Variants in EBF1 observed in about 807,000 individuals in gnomAD.
EBF1 encodes the protein EBF transcription factor 1, also known as transcription factor COE1.
EBF1 carries 10 observed loss-of-function variants against 68.4 expected under a neutral mutation model. The ratio of observed to expected loss-of-function variants is 0.15; its 90% CI spans 0.09 to 0.25. EBF1 has a LOEUF of 0.25. Among genes scored for constraint, EBF1 ranks in the 10% least tolerant of loss-of-function variants. The pLI, the probability that EBF1 is intolerant of heterozygous loss-of-function variation, is 1.00. For synonymous variants in EBF1, 298 were observed against 299.8 expected (o/e 0.99, Z 0.06); for missense variants, 509 against 794.4 (o/e 0.64, Z 4.32).
chr5:159,082,718 C>A (rs1779948288), intron 5 of EBF1, among the ~76,000 whole-genome samples: 1 of 152,164 alleles, frequency 6.6e-6, no homozygotes, highest in African/African-American at 2.4e-5. Flanking sequence ...AAACAGTACC[C>A]CTTATACATC....
intron 6 of EBF1, among the ~76,000 whole-genome samples, chr5:158,932,320 A>T (rs901390376): frequency 6.6e-6 from 1 of 152,182 alleles, no homozygotes; most frequent in Non-Finnish European, 1.5e-5. Flanking sequence ...ATTAAAAAAC[A>T]TGTGTTCTCA....
intron 11 of EBF1, among the ~76,000 whole-genome samples, chr5:158,729,178 T>C (rs1657313849): frequency 6.6e-6 from 1 of 152,182 alleles, no homozygotes; most frequent in African/African-American, 2.4e-5. Flanking sequence ...AGGTACAACA[T>C]AGCACCATCC....
intron 6 of EBF1, among the ~76,000 whole-genome samples, chr5:159,012,972 G>A (rs2127686440): frequency 6.6e-6 from 1 of 152,270 alleles, no homozygotes; most frequent in East Asian, 1.9e-4. Context: ...CAAGGAAAGA[G>A]GCCCTCAGAA....
At chr5:159,070,701 G>A (rs77534414) in intron 6 of EBF1, among the ~76,000 whole-genome samples, 14 of 152,176 alleles carry the variant, frequency 9.2e-5, no homozygotes, top group Non-Finnish European at 2.1e-4. Flanking sequence ...AGTTGACTGC[G>A]TGTTAAAACT....
At chr5:159,035,179 A>T (rs896570574) in intron 6 of EBF1, among the ~76,000 whole-genome samples, 10 of 152,204 alleles carry the variant, frequency 6.6e-5, no homozygotes, top group Admixed American at 3.3e-4. Context: ...TTAGACCACC[A>T]TTTCATCAGG....
intron 4 of EBF1, among the ~76,000 whole-genome samples, chr5:159,094,805 T>C (rs1782296552): frequency 1.3e-5 from 2 of 152,216 alleles, no homozygotes; most frequent in Admixed American, 1.3e-4. Flanking sequence ...CCTAACCAGC[T>C]ACTTAATTCT....
intron 5 of EBF1, among the ~76,000 whole-genome samples, chr5:159,078,372 T>A (rs1456284931): frequency 6.6e-6 from 1 of 152,214 alleles, no homozygotes; most frequent in Non-Finnish European, 1.5e-5. Context: ...AGAAGAGGGC[T>A]CATACTGAAA....
At chr5:158,900,379 A>C (rs1420982222) in intron 6 of EBF1, among the ~76,000 whole-genome samples, 2 of 152,202 alleles carry the variant, frequency 1.3e-5, no homozygotes, top group African/African-American at 4.8e-5. Context: ...TAATGAAATC[A>C]AATTTTGATT....
intron 6 of EBF1, among the ~76,000 whole-genome samples, chr5:158,974,836 G>A (rs765369213): frequency 1.3e-5 from 2 of 152,164 alleles, no homozygotes; most frequent in African/African-American, 2.4e-5. Context: ...AGCTAAAAAC[G>A]TTGCTGGGGA....
intron 11 of EBF1, among the ~76,000 whole-genome samples, chr5:158,719,703 T>C (rs2127511803): frequency 6.6e-6 from 1 of 152,300 alleles, no homozygotes; most frequent in Admixed American, 6.5e-5. Flanking sequence ...CTTTCTTTTG[T>C]TCATAGCACA....
intron 6 of EBF1, among the ~76,000 whole-genome samples, chr5:158,920,593 TA>T (rs1373630048): frequency 6.6e-6 from 1 of 152,028 alleles, no homozygotes; most frequent in Non-Finnish European, 1.5e-5. Flanking sequence ...TTTTTTTTTT[TA>T]AAGAAACACA....
intron 6 of EBF1, among the ~76,000 whole-genome samples, chr5:158,993,768 C>T (rs1760841578): frequency 1.3e-5 from 2 of 152,264 alleles, no homozygotes; most frequent in South Asian, 4.1e-4. Flanking sequence ...AAGTCTAAGT[C>T]GAGAACCAAG....
intron 6 of EBF1, chr5:158,941,364 T>C: frequency 4.7e-6 from 2 of 424,566 alleles, no homozygotes; most frequent in South Asian, 3.4e-5. Flanking sequence ...AAGGAACCAA[T>C]ACAATGGAAC....
intron 6 of EBF1, among the ~76,000 whole-genome samples, chr5:158,930,867 T>C (rs1810727991): frequency 6.6e-6 from 1 of 151,126 alleles, no homozygotes; most frequent in African/African-American, 2.4e-5. Context: ...AATGGTCTCC[T>C]TTAATTTTCT....
intron 6 of EBF1, among the ~76,000 whole-genome samples, chr5:159,026,604 G>GA (rs113750676): frequency 1.3e-5 from 2 of 152,180 alleles, no homozygotes; most frequent in Non-Finnish European, 2.9e-5. Context: ...CCCCAGCACA[G>GA]AAAAAAATCC....
chr5:158,923,625 C>T (rs1207542131), intron 6 of EBF1, among the ~76,000 whole-genome samples: 1 of 152,120 alleles, frequency 6.6e-6, no homozygotes, highest in Non-Finnish European at 1.5e-5. Flanking sequence ...CCACGTTATA[C>T]CAAAGGGATA....
chr5:158,960,931 C>T (rs1818064987), intron 6 of EBF1, among the ~76,000 whole-genome samples: 1 of 152,130 alleles, frequency 6.6e-6, no homozygotes, highest in Non-Finnish European at 1.5e-5. Flanking sequence ...CTTCAGATTG[C>T]TACATCTGAC....
intron 6 of EBF1, among the ~76,000 whole-genome samples, chr5:158,973,012 C>T (rs570596665): frequency 2.2e-4 from 33 of 152,360 alleles, no homozygotes; most frequent in African/African-American, 7.9e-4. Context: ...ATGACAACTT[C>T]AGCCCCTCCC....
intron 6 of EBF1, among the ~76,000 whole-genome samples, chr5:159,050,269 G>T (rs1467689137): frequency 7.7e-6 from 1 of 130,476 alleles, no homozygotes; most frequent in Non-Finnish European, 1.6e-5. Context: ...TCTCTGCATT[G>T]CTCTTCCTCT....
Sources: allele counts gnomAD v4.1 joint callset (sites outside exome capture counted in the v4.1 genomes callset), GRCh38; gene constraint gnomAD v4.1.1; transcripts MANE v1.5; gene names NCBI Gene and HGNC (gene_info 2026-07-23, HGNC 2026-07-21).